The following TEK variants were observed in gnomAD, a reference collection of about 807,000 sequenced individuals.
TEK encodes the protein angiopoietin-1 receptor.
In TEK, 43 loss-of-function variants were observed where a neutral mutation model predicts 131.8. The observed-to-expected ratio is 0.33, with a 90% CI of 0.26 to 0.42. The LOEUF (loss-of-function observed/expected upper bound fraction) is 0.42, where lower values mean the gene tolerates loss of function less well. TEK is among the 10% of genes least tolerant of loss of function. TEK has a pLI of 1.00. For missense variants in TEK, 1,162 were observed against 1,384.4 expected (o/e 0.84, Z 2.55); for synonymous variants, 580 against 491.6 (o/e 1.18, Z -2.38).
chr9:27,170,937 G>A (rs1402565476), intron 4 of TEK, among the ~76,000 whole-genome samples: 1 of 152,198 alleles, frequency 6.6e-6, no homozygotes, highest in African/African-American at 2.4e-5. Context: ...GGATCACAAC[G>A]AGTAAAGCAG....
intron 1 of TEK, among the ~76,000 whole-genome samples, chr9:27,118,908 A>G (rs1821672699): frequency 6.6e-6 from 1 of 152,180 alleles, no homozygotes; most frequent in Non-Finnish European, 1.5e-5. Flanking sequence ...CCCTGGAGCT[A>G]CCAACTTCGC....
intron 2 of TEK, among the ~76,000 whole-genome samples, chr9:27,165,050 A>AG (rs1208199667): frequency 7.9e-5 from 12 of 152,218 alleles, no homozygotes; most frequent in Admixed American, 5.2e-4. Flanking sequence ...CAATCAGCCT[A>AG]GAGACATTCA....
intron 10 of TEK, among the ~76,000 whole-genome samples, 177 bp downstream of exon 10, chr9:27,190,867 G>C (rs1824792019): frequency 6.6e-6 from 1 of 152,102 alleles, no homozygotes; most frequent in Admixed American, 6.6e-5. Context: ...CTGAGCTCTG[G>C]GGCTAACTTT....
intron 2 of TEK, among the ~76,000 whole-genome samples, chr9:27,166,025 C>G (rs530775251): frequency 2.0e-5 from 3 of 152,244 alleles, no homozygotes; most frequent in Non-Finnish European, 2.9e-5. Flanking sequence ...TAGTCTTTCT[C>G]AAACCACCAT....
In TEK at chr9:27,135,311, C is replaced by G. The variant is rs145574185; in HGVS notation, c.53-22520C>G. 4.6e-5 allele frequency among the ~76,000 whole-genome samples: 7 copies of G among 151,466 alleles called. No homozygotes were observed. In the South Asian group the frequency reaches 8.3e-4, roughly 18 times the overall value. On this transcript the variant is annotated intron_variant, in intron 1 of 22. Transcript: ENST00000380036. ...AGCCCACCCTTAGACCTCATTTTCT[C>G]TCCATATAAGATAAAAAATGCCACC...
At chr9:27,185,675 T>A (rs769727749) in intron 9 of TEK, 46 bp downstream of exon 9, 2 of 1,610,438 alleles carry the variant, frequency 1.2e-6, no homozygotes, top group Non-Finnish European at 1.7e-6. Flanking sequence ...TGATGCATTA[T>A]GTTTTTGTAT....
At chr9:27,149,463 G>A (rs1823046152) in intron 1 of TEK, among the ~76,000 whole-genome samples, 1 of 152,006 alleles carries the variant, frequency 6.6e-6, no homozygotes, top group Non-Finnish European at 1.5e-5. Flanking sequence ...AATAAAAATT[G>A]TCAGCTTCCT....
intron 8 of TEK, among the ~76,000 whole-genome samples, chr9:27,184,059 C>T (rs1824502426): frequency 6.6e-6 from 1 of 152,150 alleles, no homozygotes; most frequent in African/African-American, 2.4e-5. Context: ...GATGACCGGT[C>T]CACTCCTATT....
chr9:27,183,502 T>C lies in TEK; in HGVS notation c.1074T>C (p.His358=), dbSNP rs1320208091. 5.0e-6 allele frequency: 8 copies of C among 1,613,918 alleles called. No individual in the cohort carries two copies. The Admixed American group carries it at 8.3e-5, about 17-fold the overall frequency. The change falls in exon 8 of 23, where the codon CAT becomes CAC. Residue 358 remains histidine, a synonymous_variant. Transcript: ENST00000380036. ...MTPKIVDLPD[H]IEVNSGKFNP... The stretch of plus-strand genomic sequence containing the variant: ...CAAAGATAGTGGATTTGCCAGATCA[T>C]ATAGAAGTAAACAGTGGTAAATTTA...
chr9:27,136,278 C>T (rs1822431955), intron 1 of TEK, among the ~76,000 whole-genome samples: 1 of 152,094 alleles, frequency 6.6e-6, no homozygotes, highest in Non-Finnish European at 1.5e-5. Context: ...GACGAGGTTT[C>T]ACCATGTTGC....
chr9:27,123,375 A>G lies in TEK; in HGVS notation c.52+13733A>G, dbSNP rs535230587. On this transcript the variant is annotated intron_variant, in intron 1 of 22. Transcript: ENST00000380036. Reference sequence around the variant, plus strand: ...GGATATGCGGGGGTGTAAAGGGAGTAAGGAAAGAGCTCTGCCATCACAGGT... The same window carrying G: ...GGATATGCGGGGGTGTAAAGGGAGTGAGGAAAGAGCTCTGCCATCACAGGT... 1.2e-3 allele frequency among the ~76,000 whole-genome samples: 177 copies of G among 152,260 alleles called. 1 individual carries two copies. The highest frequency in any genetic ancestry group is 4.1e-3 in the African/African-American group (169 of 41,540).
At chr9:27,128,541 G>A (rs966272923) in intron 1 of TEK, among the ~76,000 whole-genome samples, 1 of 152,150 alleles carries the variant, frequency 6.6e-6, no homozygotes. Context: ...GATGGGGATA[G>A]CATTGAATCT....
intron 6 of TEK, among the ~76,000 whole-genome samples, chr9:27,178,518 G>C (rs1223461837): frequency 6.6e-6 from 1 of 152,050 alleles, no homozygotes. Context: ...AATTTTGATA[G>C]TGATTGTATT....
chr9:27,224,507 A>T (rs1826226582), intron 21 of TEK, among the ~76,000 whole-genome samples: 1 of 152,184 alleles, frequency 6.6e-6, no homozygotes, highest in Admixed American at 6.6e-5. Context: ...AATGAAAAAA[A>T]CCACATGTAT....
chr9:27,203,051 C>T lies in TEK; in HGVS notation c.2141C>T (p.Ala714Val), dbSNP rs1338723356. The change falls in exon 13 of 23, where the codon GCA (alanine) becomes GTA (valine). Residue 714 changes from alanine to valine, a missense_variant. By Grantham distance (64) the Ala-to-Val change is moderately conservative. Around this residue, in one of 6 missense-constraint regions of TEK, gnomAD observed 477 missense variants for 471.0 expected, o/e 1.01. Coordinates refer to ENST00000380036, the MANE Select transcript of TEK (RefSeq NM_000459.5). Reference sequence around the variant, plus strand: ...ACAGCATACCAGGTGGACATTTTTGCAGAGAACAACATAGGGTCAAGCAAC... The same window carrying T: ...ACAGCATACCAGGTGGACATTTTTGTAGAGAACAACATAGGGTCAAGCAAC... ...PETAYQVDIF[A>V]ENNIGSSNPA... 1.2e-6 allele frequency: 2 copies of T among 1,614,116 alleles called. No individual in the cohort carries two copies. Among genetic ancestry groups the T allele is most frequent in the South Asian group, 1.1e-5 (1 of 91,082 alleles).
At chr9:27,206,075 C>T (rs1225374892) in intron 14 of TEK, among the ~76,000 whole-genome samples, 1 of 152,208 alleles carries the variant, frequency 6.6e-6, no homozygotes, top group African/African-American at 2.4e-5. Context: ...CTTCAATCAT[C>T]TTGTGGCCAG....
chr9:27,122,731 G>A (rs2069226409), intron 1 of TEK, among the ~76,000 whole-genome samples: 1 of 151,988 alleles, frequency 6.6e-6, no homozygotes, highest in Admixed American at 6.6e-5. Flanking sequence ...GATGTGCCAA[G>A]GAAGGAGGAG....
rs758481469 is a variant in TEK at position 27,192,573 on chromosome 9, G to C, written c.1574G>C (p.Gly525Ala). The C allele has an allele frequency of 1.9e-6, 3 of 1,613,944 alleles. No homozygotes were observed. The highest frequency in any genetic ancestry group is 2.5e-6 in the Non-Finnish European group (3 of 1,179,928). Residue 525 changes from glycine (G) to alanine (A), a missense_variant, in exon 11 of 23, where the codon GGT becomes GCT. By Grantham distance (60) the Gly-to-Ala change is moderately conservative. This residue lies in a region of TEK where 477 missense variants were observed against 471.0 expected (regional missense o/e 1.01). Transcript: ENST00000380036. Reference sequence around the variant, plus strand: ...GTGCAACTGGTCCGTCGTGGAGAGGGTGGGGAAGGGCATCCTGGACCTGTG... The same window carrying C: ...GTGCAACTGGTCCGTCGTGGAGAGGCTGGGGAAGGGCATCCTGGACCTGTG... Reference protein sequence around the residue: ...LCVQLVRRGEGGEGHPGPVRR... With the variant: ...LCVQLVRRGEAGEGHPGPVRR...
intron 1 of TEK, among the ~76,000 whole-genome samples, chr9:27,113,465 G>A (rs111811931): frequency 1.4e-4 from 22 of 152,142 alleles, no homozygotes; most frequent in Non-Finnish European, 1.8e-4. Flanking sequence ...GTGTGTGCCC[G>A]TAGTCCTAGC....
Sources: gnomAD v4.1 joint callset for allele counts (sites outside exome capture counted in the v4.1 genomes callset) on GRCh38, gnomAD v4.1.1 for gene constraint, gnomAD v4.1.1 regional missense constraint, MANE v1.5 for transcripts, NCBI Gene and HGNC (gene_info 2026-07-23, HGNC 2026-07-21) for gene names.